EPM2A: variants seen among roughly 807,000 people sequenced by gnomAD.
The protein encoded by EPM2A is EPM2A glucan phosphatase, laforin.
A neutral mutation model predicts 26.5 loss-of-function variants in EPM2A; 21 were observed. The ratio of observed to expected loss-of-function variants is 0.79; its 90% CI spans 0.56 to 1.14. The LOEUF is 1.14. Among genes scored for constraint, EPM2A ranks in the 50% most tolerant of loss-of-function variants. The pLI is 0.00. For synonymous variants in EPM2A, 217 were observed against 177.6 expected, an observed-to-expected ratio of 1.22 and a Z score of -1.76; for missense variants, 458 against 440.8, an observed-to-expected ratio of 1.04 and a Z score of -0.35.
intron 4 of EPM2A, among the ~76,000 whole-genome samples, chr6:145,426,863 T>C (rs772538846): frequency 2.2e-4 from 33 of 152,270 alleles, no homozygotes; most frequent in Admixed American, 2.1e-3. Context: ...TATCTGTTTA[T>C]ATCTTCAAAA....
intron 4 of EPM2A, among the ~76,000 whole-genome samples, chr6:145,433,317 T>G (rs1447170966): frequency 6.6e-6 from 1 of 152,228 alleles, no homozygotes; most frequent in Non-Finnish European, 1.5e-5. Flanking sequence ...TTATTTAAAG[T>G]GAGAAAAGCT....
chr6:145,597,479 T>A (rs989655300), intron 2 of EPM2A, among the ~76,000 whole-genome samples: 31 of 152,104 alleles, frequency 2.0e-4, no homozygotes, highest in African/African-American at 7.0e-4. Context: ...TTTTTTTTCT[T>A]TTTTTTGGTA....
At chr6:145,613,767 G>A (rs73568362) in intron 2 of EPM2A, among the ~76,000 whole-genome samples, 10,218 of 152,196 alleles carry the variant, frequency 0.067, 1,154 homozygotes, top group African/African-American at 0.23. Flanking sequence ...AATATACTCA[G>A]TAAACCATAT....
chr6:145,457,662 C>G (rs1779279196), intron 4 of EPM2A, among the ~76,000 whole-genome samples: 1 of 152,010 alleles, frequency 6.6e-6, no homozygotes, highest in African/African-American at 2.4e-5. Context: ...CCAATCAGAA[C>G]CCAGAGGCCA....
intron 2 of EPM2A, among the ~76,000 whole-genome samples, chr6:145,537,762 C>T (rs1205639165): frequency 6.6e-6 from 1 of 151,886 alleles, no homozygotes; most frequent in East Asian, 1.9e-4. Flanking sequence ...CACTCCCCAC[C>T]CCCCGACAGG....
chr6:145,497,393 T>C (rs1250874393), downstream of EPM2A, among the ~76,000 whole-genome samples: 1 of 152,162 alleles, frequency 6.6e-6, no homozygotes, highest in Non-Finnish European at 1.5e-5. Flanking sequence ...AACAGCAAAG[T>C]GGCAGCCTGC....
At position 145,686,151 on chromosome 6, in the gene EPM2A, A is replaced by C. The variant is rs2128614175; in HGVS notation, c.447T>G (p.Ile149Met). The change falls in exon 2 of 4, where the codon ATT becomes ATG. Residue 149 changes from isoleucine (I) to methionine (M), a missense_variant. Physicochemically the swap from Ile to Met is conservative, Grantham distance 10. Transcript: ENST00000367519. ...AATAATGCATGGCTTGGTGGCCTGC[A>C]ATATTAAAATAGAAGTCTGTTGTGT... ...MKHTTDFYFN[I>M]AGHQAMHYSR... 6.2e-7 allele frequency: 1 copy of C among 1,613,952 alleles called. No individual in the cohort carries two copies. Among genetic ancestry groups the C allele is most frequent in the African/African-American group, 1.3e-5 (1 of 75,038 alleles).
intron 2 of EPM2A, among the ~76,000 whole-genome samples, chr6:145,644,403 C>T: frequency 6.6e-6 from 1 of 152,090 alleles, no homozygotes; most frequent in Non-Finnish European, 1.5e-5. Flanking sequence ...TGCTCATTGA[C>T]CTCCTGATAG....
chr6:145,438,892 A>G (rs1779024586), intron 4 of EPM2A, among the ~76,000 whole-genome samples: 1 of 151,278 alleles, frequency 6.6e-6, no homozygotes, highest in Non-Finnish European at 1.5e-5. Context: ...TTTATCAAGC[A>G]GGTACTCAGC....
intron 1 of EPM2A, among the ~76,000 whole-genome samples, chr6:145,715,431 G>A (rs1240568473): frequency 6.6e-6 from 1 of 152,158 alleles, no homozygotes. Context: ...CTGCAGACAG[G>A]GGCCCTGGTA....
At chr6:145,729,039 C>A (rs980822349) in intron 1 of EPM2A, among the ~76,000 whole-genome samples, 7 of 152,290 alleles carry the variant, frequency 4.6e-5, no homozygotes, top group East Asian at 1.9e-4. Flanking sequence ...CCAGAGGGTG[C>A]AAGCCATAAT....
chr6:145,680,428 A>C (rs1780428582), intron 2 of EPM2A, among the ~76,000 whole-genome samples: 1 of 150,388 alleles, frequency 6.6e-6, no homozygotes. Flanking sequence ...TTTAGGGTAC[A>C]TGTGCACAAT....
chr6:145,647,112 G>A (rs868052159), intron 2 of EPM2A, among the ~76,000 whole-genome samples: 4 of 152,258 alleles, frequency 2.6e-5, no homozygotes, highest in South Asian at 2.1e-4. Flanking sequence ...TAGAGTGATC[G>A]TTTTAAAGCA....
chr6:145,615,140 G>A (rs1397513743), intron 2 of EPM2A, among the ~76,000 whole-genome samples: 1 of 152,172 alleles, frequency 6.6e-6, no homozygotes, highest in Non-Finnish European at 1.5e-5. Flanking sequence ...GTTTAGCTGT[G>A]TCCCCACCCA....
At chr6:145,523,542 G>A (rs1780231608) in intron 2 of EPM2A, among the ~76,000 whole-genome samples, 1 of 152,110 alleles carries the variant, frequency 6.6e-6, no homozygotes, top group Non-Finnish European at 1.5e-5. Flanking sequence ...TATTTTAATT[G>A]TTTTGAGGTA....
intron 2 of EPM2A, among the ~76,000 whole-genome samples, chr6:145,574,810 T>C (rs1781007564): frequency 6.6e-6 from 1 of 152,170 alleles, no homozygotes. Flanking sequence ...AATGAAGAGT[T>C]CCTATTTAGT....
intron 1 of EPM2A, among the ~76,000 whole-genome samples, chr6:145,696,707 G>A (rs938319112): frequency 1.3e-5 from 2 of 151,028 alleles, no homozygotes; most frequent in African/African-American, 4.9e-5. Flanking sequence ...TGGAGGATCA[G>A]GAAAGAAAAT....
chr6:145,578,989 C>T (rs981706686), intron 2 of EPM2A, among the ~76,000 whole-genome samples: 12 of 150,870 alleles, frequency 8.0e-5, no homozygotes, highest in Non-Finnish European at 1.3e-4. Context: ...CATCACACAC[C>T]GGGGCCTGTG....
intron 2 of EPM2A, among the ~76,000 whole-genome samples, chr6:145,550,641 G>C (rs1301724684): frequency 6.6e-6 from 1 of 151,898 alleles, no homozygotes; most frequent in Admixed American, 6.6e-5. Context: ...ATTTTCTTCT[G>C]CTATGCTGCT....
Sources: allele counts gnomAD v4.1 joint callset (sites outside exome capture counted in the v4.1 genomes callset), GRCh38; gene constraint gnomAD v4.1.1; transcripts MANE v1.5; gene names NCBI Gene and HGNC (gene_info 2026-07-23, HGNC 2026-07-21).